NCKAP5: variants seen among roughly 807,000 people sequenced by gnomAD.
NCKAP5 encodes nck-associated protein 5.
In NCKAP5, 92 loss-of-function variants were observed where a neutral mutation model predicts 167.0. That is an observed-to-expected ratio of 0.55 (90% CI 0.47 to 0.66). NCKAP5 has a LOEUF of 0.66. Among genes scored for constraint, NCKAP5 ranks in the 30% least tolerant of loss-of-function variants. The pLI, the probability that NCKAP5 is intolerant of heterozygous loss-of-function variation, is 0.00. For missense variants in NCKAP5, 2,378 were observed against 2,315.0 expected, an observed-to-expected ratio of 1.03 and a Z score of -0.56; for synonymous variants, 891 against 877.4, an observed-to-expected ratio of 1.02 and a Z score of -0.27.
chr2:133,007,671 C>T (rs2078014677), intron 6 of NCKAP5, among the ~76,000 whole-genome samples: 1 of 152,058 alleles, frequency 6.6e-6, no homozygotes, highest in African/African-American at 2.4e-5. Context: ...TTTCCCAGGA[C>T]AGTTCAGCTC....
chr2:132,889,505 A>G (rs1692515457), intron 8 of NCKAP5, among the ~76,000 whole-genome samples: 1 of 152,158 alleles, frequency 6.6e-6, no homozygotes, highest in South Asian at 2.1e-4. Context: ...AAACAAGTTA[A>G]TTTCTCACAT....
chr2:132,723,173 T>A (rs1220989204), intron 19 of NCKAP5, among the ~76,000 whole-genome samples: 1 of 120,796 alleles, frequency 8.3e-6, no homozygotes, highest in African/African-American at 3.3e-5. Flanking sequence ...TGAGACAGAG[T>A]CTTGCTCTGT....
intron 9 of NCKAP5, 72 bp from the exon 10 acceptor site, chr2:132,869,046 T>A: frequency 8.8e-7 from 1 of 1,139,960 alleles, no homozygotes; most frequent in Non-Finnish European, 1.2e-6. Flanking sequence ...AATTTACCAA[T>A]AAGTTTCTCG....
At chr2:132,761,122 C>G (rs1163926617) in intron 16 of NCKAP5, among the ~76,000 whole-genome samples, 1 of 152,204 alleles carries the variant, frequency 6.6e-6, no homozygotes, top group Non-Finnish European at 1.5e-5. Flanking sequence ...AAATCTTCCT[C>G]TACAGGTCAG....
chr2:133,138,573 A>C (rs1450988639), intron 5 of NCKAP5, among the ~76,000 whole-genome samples: 1 of 152,210 alleles, frequency 6.6e-6, no homozygotes, highest in Non-Finnish European at 1.5e-5. Context: ...GCATGAGGCT[A>C]ACAGACTGGG....
intron 5 of NCKAP5, among the ~76,000 whole-genome samples, chr2:133,174,309 C>T (rs6722535): frequency 0.071 from 10,826 of 152,068 alleles, 438 homozygotes; most frequent in African/African-American, 0.11. Flanking sequence ...GTTCATGGTG[C>T]CACTAGATCT....
At chr2:133,626,797 A>C in the NCKAP5 span, among the ~76,000 whole-genome samples, 1 of 152,010 alleles carries the variant, frequency 6.6e-6, no homozygotes, top group Non-Finnish European at 1.5e-5. Flanking sequence ...TGGGCAATAG[A>C]TACATAGGAA....
At chr2:133,376,962 G>T (rs866613149) in intron 3 of NCKAP5, among the ~76,000 whole-genome samples, 1 of 152,276 alleles carries the variant, frequency 6.6e-6, no homozygotes. Context: ...AAAAGAAATT[G>T]TAAGTAGTGT....
chr2:133,548,204 A>G (rs371915169), intron 2 of NCKAP5, among the ~76,000 whole-genome samples: 5 of 151,890 alleles, frequency 3.3e-5, no homozygotes, highest in Non-Finnish European at 5.9e-5. Context: ...AATGAGCAAA[A>G]CCTCCAAGAA....
chr2:133,611,378 G>A, the NCKAP5 span, among the ~76,000 whole-genome samples: 46 of 152,178 alleles, frequency 3.0e-4, no homozygotes, highest in South Asian at 9.1e-3. Flanking sequence ...GTACAGCCAA[G>A]AGCAGGAAGG....
intron 3 of NCKAP5, chr2:133,433,595 TA>T (rs973463190): frequency 1.3e-5 from 2 of 152,200 alleles, no homozygotes; most frequent in African/African-American, 4.8e-5. Context: ...AATAATGAGC[TA>T]AATAAATCAC....
chr2:132,694,497 T>C (rs747793600), intron 19 of NCKAP5, among the ~76,000 whole-genome samples: 3 of 152,228 alleles, frequency 2.0e-5, no homozygotes, highest in African/African-American at 7.2e-5. Context: ...GCTTTCTTTC[T>C]TTAAAAGTAA....
intron 19 of NCKAP5, among the ~76,000 whole-genome samples, chr2:132,698,353 G>C (rs149168840): frequency 6.6e-6 from 1 of 152,280 alleles, no homozygotes; most frequent in African/African-American, 2.4e-5. Context: ...TTATTCTTTA[G>C]AGCACAAAAG....
chr2:133,085,364 A>G (rs2149608194), intron 6 of NCKAP5, among the ~76,000 whole-genome samples: 1 of 152,324 alleles, frequency 6.6e-6, no homozygotes, highest in Non-Finnish European at 1.5e-5. Context: ...TTGTTTTGGT[A>G]TTCTAAAAAA....
chr2:132,892,892 C>A (rs1374744), intron 8 of NCKAP5, among the ~76,000 whole-genome samples: 6 of 150,952 alleles, frequency 4.0e-5, no homozygotes, highest in African/African-American at 1.5e-4. Flanking sequence ...TAAATACCAG[C>A]GTGTTTGAAC....
At chr2:133,180,204 C>T (rs967534909) in intron 5 of NCKAP5, among the ~76,000 whole-genome samples, 7 of 152,100 alleles carry the variant, frequency 4.6e-5, no homozygotes, top group African/African-American at 1.4e-4. Context: ...TCCCAGAATC[C>T]TATACCCAGT....
intron 8 of NCKAP5, among the ~76,000 whole-genome samples, chr2:132,946,880 A>C (rs1322296060): frequency 2.0e-5 from 3 of 152,246 alleles, no homozygotes; most frequent in African/African-American, 7.2e-5. Flanking sequence ...CCTGAGCAAC[A>C]GAGCTAGACC....
intron 19 of NCKAP5, among the ~76,000 whole-genome samples, chr2:132,715,719 G>A (rs962790716): frequency 6.6e-6 from 1 of 152,152 alleles, no homozygotes; most frequent in Non-Finnish European, 1.5e-5. Context: ...AGACACCGTG[G>A]AGGGATCAAC....
At chr2:133,616,268 A>C in the NCKAP5 span, among the ~76,000 whole-genome samples, 1 of 147,170 alleles carries the variant, frequency 6.8e-6, no homozygotes, top group Non-Finnish European at 1.5e-5. Flanking sequence ...AAACACATTC[A>C]AAAGCTAGCA....
Sources: allele counts gnomAD v4.1 joint callset (sites outside exome capture counted in the v4.1 genomes callset), GRCh38; gene constraint gnomAD v4.1.1; transcripts MANE v1.5; gene names NCBI Gene and HGNC (gene_info 2026-07-23, HGNC 2026-07-21).